Variants in ECE1 observed in about 807,000 individuals in gnomAD.
ECE1 encodes the protein endothelin converting enzyme 1.
A neutral mutation model predicts 98.6 loss-of-function variants in ECE1; 35 were observed. The observed-to-expected ratio is 0.35, with a 90% CI of 0.27 to 0.47. The LOEUF (loss-of-function observed/expected upper bound fraction) is 0.47. Among genes scored for constraint, ECE1 ranks in the 20% least tolerant of loss-of-function variants. The pLI is 1.00. For missense variants in ECE1, 814 were observed against 1,025.3 expected (o/e 0.79, Z 2.81); for synonymous variants, 394 against 407.1 (o/e 0.97, Z 0.39).
intron 2 of ECE1, among the ~76,000 whole-genome samples, chr1:21,285,254 T>C (rs181429410): frequency 6.6e-6 from 1 of 152,278 alleles, no homozygotes; most frequent in Non-Finnish European, 1.5e-5. Context: ...ACTTTCCAAC[T>C]TTCATCGCTT....
rs931848386 is a variant in ECE1, at chr1:21,340,183, T to A, written c.3+5193A>T. 1.1e-4 allele frequency among the ~76,000 whole-genome samples: 17 copies of A among 152,256 alleles called. No homozygotes were observed. The highest frequency in any genetic ancestry group is 3.6e-4 in the African/African-American group (15 of 41,470). ...TTTTCTACCTTATTTCAGAGCGATC[T>A]GGGAACTTGTTCTTTCTCCTCTATT... On this transcript the variant is annotated intron_variant, in intron 1 of 18. Transcript: ENST00000415912. This position sits in a 1 kb window ranked among gnomAD's most constrained non-coding sequence, Gnocchi z 4.6.
intron 1 of ECE1, chr1:21,298,785 T>C (rs1200858961): frequency 2.2e-6 from 1 of 456,226 alleles, no homozygotes; most frequent in East Asian, 6.9e-5. Context: ...AAGACGGCAA[T>C]CACCACCTCC....
At chr1:21,272,110 T>C (rs1569593685) in intron 4 of ECE1, among the ~76,000 whole-genome samples, 1 of 152,336 alleles carries the variant, frequency 6.6e-6, no homozygotes, top group South Asian at 2.1e-4. Context: ...GCTAATGCTT[T>C]ACACATGTGC....
chr1:21,260,327 T>C lies in ECE1; in HGVS notation c.559A>G (p.Asn187Asp). ...KAQVYYRACM[N>D]ETRIEELRAK... ...CTGAGCTCCTCGATCCTGGTCTCGT[T>C]CATGCACGCACGGTAGTATACTTGC... is the stretch of plus-strand genomic sequence containing the variant. Residue 187 changes from asparagine to aspartate, a missense_variant, in exon 5 of 19, where the codon AAC becomes GAC. Asn to Asp is a conservative substitution (Grantham distance 23). This residue lies in a region of ECE1 where 257 missense variants were observed against 278.9 expected (regional missense o/e 0.92). Coordinates refer to ENST00000374893, the MANE Select transcript of ECE1 (RefSeq NM_001397.3). This position sits in a 1 kb window ranked among gnomAD's most constrained non-coding sequence, Gnocchi z 4.3. 1.9e-6 allele frequency: 3 copies of C among 1,614,250 alleles called. No homozygotes were observed. Among genetic ancestry groups the C allele is most frequent in the East Asian group, 4.5e-5 (2 of 44,880 alleles).
intron 1 of ECE1, chr1:21,298,356 C>T (rs543323925): frequency 3.8e-5 from 8 of 208,386 alleles, no homozygotes; most frequent in East Asian, 1.1e-4. Context: ...CGGTGCTCCG[C>T]GGCAGCATGC....
At chr1:21,270,445 G>A (rs553272379) in intron 4 of ECE1, among the ~76,000 whole-genome samples, 1 of 152,208 alleles carries the variant, frequency 6.6e-6, no homozygotes, top group Non-Finnish European at 1.5e-5. Context: ...GGTGGTGTGG[G>A]ACAGAGGAAA....
At position 21,251,896 on chromosome 1, in the gene ECE1, T is replaced by A. The variant is rs988796018; in HGVS notation, c.1020+4051A>T. On this transcript the variant is annotated intron_variant, in intron 8 of 18. Coordinates refer to ENST00000374893, the MANE Select transcript of ECE1 (RefSeq NM_001397.3). ...CTTTACCTTGTCCTCTCTGCCCTCCTCCTGGTAGGAGGCCCTCAGGCAGGT... is the reference window on the plus strand; with the variant it reads ...CTTTACCTTGTCCTCTCTGCCCTCCACCTGGTAGGAGGCCCTCAGGCAGGT... Among the ~76,000 whole-genome samples the A allele has an allele frequency of 2.6e-5, 4 of 152,282 alleles. 1 individual carries two copies.
Position 21,234,395 on chromosome 1 carries a change from G to C in ECE1, c.1567-734C>G, listed in dbSNP as rs149037836. Among the ~76,000 whole-genome samples, 463 of 149,910 alleles carry C rather than the reference G, an allele frequency of 3.1e-3. 1 individual carries two copies. Among genetic ancestry groups the C allele is most frequent in the African/African-American group, 0.011 (436 of 40,630 alleles). Reference sequence around the variant, plus strand: ...CCTGTGGCTAGTAGCTACCATACTAGATCTCATAAGTAAAGTAGAAATCTA... The same window carrying C: ...CCTGTGGCTAGTAGCTACCATACTACATCTCATAAGTAAAGTAGAAATCTA... On this transcript the variant is annotated intron_variant, in intron 13 of 18. Transcript: ENST00000374893.
upstream of ECE1, among the ~76,000 whole-genome samples, chr1:21,290,665 C>A (rs955453706): frequency 6.6e-6 from 1 of 152,218 alleles, no homozygotes; most frequent in African/African-American, 2.4e-5. This position sits in a 1 kb window ranked among gnomAD's most constrained non-coding sequence, Gnocchi z 7.3. Flanking sequence ...CTCACAGTGA[C>A]CCCTCCTTCG....
chr1:21,343,566 C>G (rs3026804), intron 1 of ECE1, among the ~76,000 whole-genome samples: 15,303 of 152,246 alleles, frequency 0.1, 2,537 homozygotes, highest in African/African-American at 0.34. Flanking sequence ...TGAAGCAAAG[C>G]ACTCTCACTT....
At chr1:21,236,505 C>T (rs561402009) in intron 12 of ECE1, among the ~76,000 whole-genome samples, 28 of 152,298 alleles carry the variant, frequency 1.8e-4, no homozygotes, top group African/African-American at 5.1e-4. Flanking sequence ...CAAAATTAAC[C>T]GAGCGTGGTG....
chr1:21,280,289 C>G (rs6657439), intron 2 of ECE1, among the ~76,000 whole-genome samples: 42 of 152,260 alleles, frequency 2.8e-4, no homozygotes, highest in African/African-American at 9.6e-4. Context: ...TCAGTGACAC[C>G]GTGTCATGTG....
At chr1:21,234,279 C>G (rs574400101) in intron 13 of ECE1, among the ~76,000 whole-genome samples, 1 of 151,916 alleles carries the variant, frequency 6.6e-6, no homozygotes. Flanking sequence ...TGAGCCACCA[C>G]GCCCGGCCAC....
chr1:21,304,530 AAG>A (rs1006897671), intron 1 of ECE1, among the ~76,000 whole-genome samples: 2 of 152,270 alleles, frequency 1.3e-5, no homozygotes, highest in Middle Eastern at 3.4e-3. Context: ...ACTTTTAAAA[AAG>A]AGAGAAATAT....
chr1:21,324,201 G>A (rs569657528), intron 1 of ECE1, among the ~76,000 whole-genome samples: 4 of 151,912 alleles, frequency 2.6e-5, no homozygotes, highest in Non-Finnish European at 4.4e-5. Context: ...ATGCAGCCTC[G>A]ACCATAGCTC....
In ECE1 at chr1:21,296,406, A is replaced by C. The variant is rs147465913; in HGVS notation, c.4-6250T>G. Reference sequence around the variant, plus strand: ...GCATCCACCTGTGGCCCCACTACTTAGGAGGCTGAGGTGGAAGGATTGCTT... The same window carrying C: ...GCATCCACCTGTGGCCCCACTACTTCGGAGGCTGAGGTGGAAGGATTGCTT... On this transcript the variant is annotated intron_variant, in intron 1 of 18. Coordinates refer to the ECE1 transcript ENST00000415912. 3.3e-3 allele frequency among the ~76,000 whole-genome samples: 504 copies of C among 152,162 alleles called. 1 individual carries two copies. The highest frequency in any genetic ancestry group is 5.1e-3 in the Admixed American group (78 of 15,276).
At chr1:21,244,434 T>C (rs2098200541) in intron 10 of ECE1, among the ~76,000 whole-genome samples, 1 of 152,042 alleles carries the variant, frequency 6.6e-6, no homozygotes, top group African/African-American at 2.4e-5. Flanking sequence ...GCCACTTCCT[T>C]GGGGAGAAGG....
chr1:21,236,708 C>T lies in ECE1; in HGVS notation c.1488+38G>A, dbSNP rs201198033. 2.9e-4 allele frequency: 457 copies of T among 1,587,120 alleles called. 1 individual carries two copies. Among genetic ancestry groups the T allele is most frequent in the Middle Eastern group, 1.1e-3 (6 of 5,434 alleles). On this transcript the variant is annotated intron_variant, in intron 12 of 18. Coordinates refer to ENST00000374893, the MANE Select transcript of ECE1 (RefSeq NM_001397.3). ...CCCACCCTCCTCTATCTGTGCTGGA[C>T]GCCGCAGCACCCCCTCCAAGTGCCT...
At chr1:21,332,631 G>A (rs1410525366) in intron 1 of ECE1, among the ~76,000 whole-genome samples, 1 of 86,806 alleles carries the variant, frequency 1.2e-5, no homozygotes, top group African/African-American at 4.8e-5. Flanking sequence ...GGAGAGAGAG[G>A]GGAGGGAAGG....
Sources: allele counts gnomAD v4.1 joint callset (sites outside exome capture counted in the v4.1 genomes callset), GRCh38; gene constraint gnomAD v4.1.1; regional missense constraint gnomAD v4.1.1; non-coding constraint Gnocchi (gnomAD v3.1); transcripts MANE v1.5; gene names NCBI Gene and HGNC (gene_info 2026-07-23, HGNC 2026-07-21).